Variants in ABHD5 observed in about 807,000 individuals in gnomAD.
ABHD5 encodes 1-acylglycerol-3-phosphate O-acyltransferase ABHD5.
ABHD5 carries 30 observed loss-of-function variants against 44.9 expected under a neutral mutation model. The observed-to-expected ratio is 0.67, with a 90% CI of 0.50 to 0.91. The LOEUF is 0.91. Among genes scored for constraint, ABHD5 ranks in the 40% least tolerant of loss-of-function variants. The pLI, the probability that ABHD5 is intolerant of heterozygous loss-of-function variation, is 0.00. For missense variants in ABHD5, 399 were observed against 423.4 expected (o/e 0.94, Z 0.50); for synonymous variants, 167 against 147.0 (o/e 1.14, Z -0.99).
At position 43,719,146 on chromosome 3, in the gene ABHD5, T is replaced by C. The variant is rs955657383; in HGVS notation, c.*614T>C. Reference sequence around the variant, plus strand: ...ACCTGTTTTTTATATTTAAGGCTGCTAAGCCATGTTCAGCATTTTAAATGT... The same window carrying C: ...ACCTGTTTTTTATATTTAAGGCTGCCAAGCCATGTTCAGCATTTTAAATGT... On this transcript the variant is annotated 3_prime_UTR_variant, in exon 7 of 7. Coordinates refer to ENST00000644371, the MANE Select transcript of ABHD5 (RefSeq NM_016006.6). The C allele has an allele frequency of 2.6e-5, 4 of 156,354 alleles. No homozygotes were observed. Among genetic ancestry groups the C allele is most frequent in the Non-Finnish European group, 4.2e-5 (3 of 70,746 alleles). The allele number at this position is 156,354 out of a possible 1,614,324, so 9.7% of individuals were successfully genotyped here.
chr3:43,731,934 C>T (rs971245122), intron 7 of ABHD5, among the ~76,000 whole-genome samples: 12 of 152,258 alleles, frequency 7.9e-5, no homozygotes, highest in African/African-American at 1.7e-4. Flanking sequence ...CTGAATGCAG[C>T]GCCCCATGCA....
In ABHD5 at chr3:43,717,874, AT is replaced by A; in HGVS notation, c.960+20del. On this transcript the variant is annotated intron_variant, in intron 6 of 6. Transcript: ENST00000644371. ...AAGACAATAGTAAGTGTGTGGCTTG[AT>A]TTGGGTTTTTAGGTATAGGTGAGGT... The A allele has an allele frequency of 1.2e-6, 2 of 1,614,006 alleles. No individual in the cohort carries two copies. The highest frequency in any genetic ancestry group is 1.7e-6 in the Non-Finnish European group (2 of 1,179,932).
rs528060949 is a variant in ABHD5 at position 43,721,399 on chromosome 3, T to G, written c.*2867T>G. On this transcript the variant is annotated 3_prime_UTR_variant, in exon 7 of 7. Coordinates refer to ENST00000644371, the MANE Select transcript of ABHD5 (RefSeq NM_016006.6). ...ACAGTGAGAAAAACTTTCCTAGGAC[T>G]GAAAATTCAGAAGCAATAAAAAGAG... The G allele has an allele frequency of 6.6e-5, 10 of 152,056 alleles. No homozygotes were observed. The highest frequency in any genetic ancestry group is 1.2e-4 in the Non-Finnish European group (8 of 67,998). The allele number at this position is 152,056 out of a possible 1,614,324, so 9.4% of individuals were successfully genotyped here.
intron 1 of ABHD5, among the ~76,000 whole-genome samples, chr3:43,692,928 T>C (rs1179872604): frequency 6.6e-6 from 1 of 152,172 alleles, no homozygotes; most frequent in Non-Finnish European, 1.5e-5. Flanking sequence ...CAAAGGAAAG[T>C]TATAAAATGG....
At chr3:43,699,913 G>C (rs75363047) in intron 2 of ABHD5, among the ~76,000 whole-genome samples, 1 of 152,170 alleles carries the variant, frequency 6.6e-6, no homozygotes, top group Non-Finnish European at 1.5e-5. Context: ...GTGAAAAATA[G>C]AAAGTCTTAG....
chr3:43,702,202 A>C lies in ABHD5; in HGVS notation c.134-13A>C. Reference sequence around the variant, plus strand: ...TAAAATGAAACAGAATTTCTCTTTTATGTTTTCATTAGGTGTGCCTTGCAC... The same window carrying C: ...TAAAATGAAACAGAATTTCTCTTTTCTGTTTTCATTAGGTGTGCCTTGCAC... On this transcript the variant is annotated splice_polypyrimidine_tract_variant and intron_variant, in intron 2 of 6. Coordinates refer to ENST00000644371, the MANE Select transcript of ABHD5 (RefSeq NM_016006.6). 1 of 1,572,292 alleles carries C rather than the reference A, an allele frequency of 6.4e-7. No individual in the cohort carries two copies. The highest frequency in any genetic ancestry group is 1.4e-5 in the African/African-American group (1 of 73,318).
At position 43,720,261 on chromosome 3, in the gene ABHD5, T is replaced by G. The variant is rs139091067; in HGVS notation, c.*1729T>G. 1.4e-3 allele frequency: 219 copies of G among 152,206 alleles called. 1 individual carries two copies. Among genetic ancestry groups the G allele is most frequent in the African/African-American group, 5.1e-3 (211 of 41,510 alleles). The allele number at this position is 152,206 out of a possible 1,614,324, so 9.4% of individuals were successfully genotyped here. ...TTTTGTATTTTTGTTTTACACACTC[T>G]CTAATCTCAATTATCCTTTGCTGGG... On this transcript the variant is annotated 3_prime_UTR_variant, in exon 7 of 7. Transcript: ENST00000644371.
Position 43,713,437 on chromosome 3 carries a change from C to T in ABHD5, c.662-1510C>T, listed in dbSNP as rs191504495. 4.9e-3 allele frequency among the ~76,000 whole-genome samples: 743 copies of T among 151,928 alleles called. 8 individuals are homozygous for T. The highest frequency in any genetic ancestry group is 0.017 in the African/African-American group (717 of 41,424). On this transcript the variant is annotated intron_variant, in intron 4 of 6. Transcript: ENST00000644371. ...GGAGGTTGTGGGATTAACTGTCATG[C>T]AGGTGACTGTAAATGCTGTTCCCTT...
chr3:43,728,592 G>T (rs2084893384), intron 7 of ABHD5, among the ~76,000 whole-genome samples: 1 of 152,178 alleles, frequency 6.6e-6, no homozygotes, highest in Admixed American at 6.5e-5. Flanking sequence ...ACTACCCAGA[G>T]ACTGATGAAG....
At chr3:43,730,358 C>T (rs1021846829) in intron 7 of ABHD5, among the ~76,000 whole-genome samples, 1 of 152,196 alleles carries the variant, frequency 6.6e-6, no homozygotes, top group African/African-American at 2.4e-5. Context: ...TCAAGGAAAC[C>T]TTGCTGACTA....
chr3:43,691,888 T>C (rs959086564), intron 1 of ABHD5, among the ~76,000 whole-genome samples: 2 of 152,162 alleles, frequency 1.3e-5, no homozygotes, highest in African/African-American at 4.8e-5. Flanking sequence ...ACATAATGTA[T>C]AGGAAACTGT....
intron 1 of ABHD5, among the ~76,000 whole-genome samples, chr3:43,695,880 A>ATTG (rs2084468190): frequency 6.6e-6 from 1 of 152,360 alleles, no homozygotes; most frequent in East Asian, 1.9e-4. Context: ...TTTCCTTAGA[A>ATTG]TTGTCACCTC....
intron 3 of ABHD5, among the ~76,000 whole-genome samples, chr3:43,708,759 A>G (rs912026037): frequency 2.0e-5 from 3 of 152,238 alleles, no homozygotes; most frequent in African/African-American, 7.2e-5. Context: ...TAGATGTTGT[A>G]GAGTTTTAAA....
chr3:43,713,059 G>T (rs1575605144), intron 4 of ABHD5, among the ~76,000 whole-genome samples: 1 of 152,218 alleles, frequency 6.6e-6, no homozygotes, highest in East Asian at 1.9e-4. Context: ...GCTCACACCT[G>T]TAATACCAGC....
chr3:43,726,856 A>G (rs576790713), downstream of ABHD5, among the ~76,000 whole-genome samples: 115 of 151,826 alleles, frequency 7.6e-4, no homozygotes, highest in Non-Finnish European at 1.3e-3. Context: ...TTTAACAAGC[A>G]CTCCTGTCCT....
intron 1 of ABHD5, chr3:43,691,252 G>A: frequency 2.4e-6 from 1 of 413,936 alleles, no homozygotes; most frequent in Non-Finnish European, 4.1e-6. Context: ...TCGGGGCCCC[G>A]AGGTGTCTGA....
At chr3:43,706,523 A>T (rs2084622114) in intron 3 of ABHD5, among the ~76,000 whole-genome samples, 1 of 150,728 alleles carries the variant, frequency 6.6e-6, no homozygotes, top group African/African-American at 2.4e-5. Context: ...TTTGGAGTGC[A>T]GTGGCGCAAT....
chr3:43,730,859 C>T (rs1043190123), intron 7 of ABHD5, among the ~76,000 whole-genome samples: 2 of 150,564 alleles, frequency 1.3e-5, no homozygotes, highest in African/African-American at 4.9e-5. Context: ...GACGGAGTCT[C>T]GATCTGTTGC....
chr3:43,718,784 G>T lies in ABHD5; in HGVS notation c.*252G>T. ...TAAATATAATACCTTTAAATAAAAGGTTATTTGTCCCTCTGATGTACTGAA... is the reference window on the plus strand; with the variant it reads ...TAAATATAATACCTTTAAATAAAAGTTTATTTGTCCCTCTGATGTACTGAA... On this transcript the variant is annotated 3_prime_UTR_variant, in exon 7 of 7. Coordinates refer to ENST00000644371, the MANE Select transcript of ABHD5 (RefSeq NM_016006.6). The T allele has an allele frequency of 2.4e-6, 1 of 421,784 alleles. No homozygotes were observed. The highest frequency in any genetic ancestry group is 4.3e-6 in the Non-Finnish European group (1 of 232,460). 26.1% of individuals were successfully genotyped at this position (421,784 alleles called of 1,614,324 possible).
Sources: allele counts gnomAD v4.1 joint callset (sites outside exome capture counted in the v4.1 genomes callset), GRCh38; gene constraint gnomAD v4.1.1; transcripts MANE v1.5; gene names NCBI Gene and HGNC (gene_info 2026-07-23, HGNC 2026-07-21).